PIP4K2A: variants seen among roughly 807,000 people sequenced by gnomAD.
PIP4K2A encodes phosphatidylinositol-5-phosphate 4-kinase type 2 alpha.
In PIP4K2A, 14 loss-of-function variants were observed where a neutral mutation model predicts 42.9. The ratio of observed to expected loss-of-function variants is 0.33; its 90% confidence interval spans 0.22 to 0.51. PIP4K2A has a LOEUF of 0.51. Ranked by LOEUF, PIP4K2A falls within the 20% of genes least tolerant of loss-of-function variation. The pLI, the probability that PIP4K2A is intolerant of heterozygous loss-of-function variation, is 0.97. For synonymous variants in PIP4K2A, 192 were observed against 192.2 expected (o/e 1.00, Z 0.01); for missense variants, 434 against 519.8 (o/e 0.83, Z 1.61).
chr10:22,556,081 T>G (rs1435148997), intron 6 of PIP4K2A, among the ~76,000 whole-genome samples: 1 of 152,234 alleles, frequency 6.6e-6, no homozygotes, highest in African/African-American at 2.4e-5. Flanking sequence ...ACATGTCACA[T>G]GAATTCTCTA....
At chr10:22,674,754 C>A (rs12357289) in intron 1 of PIP4K2A, among the ~76,000 whole-genome samples, 36,976 of 151,436 alleles carry the variant, frequency 0.24, 4,954 homozygotes, top group Non-Finnish European at 0.31. Context: ...CCAGTCCAGG[C>A]AATATTGCAA....
intron 1 of PIP4K2A, among the ~76,000 whole-genome samples, chr10:22,685,861 C>CA (rs1309632054): frequency 6.6e-6 from 1 of 152,204 alleles, no homozygotes; most frequent in Non-Finnish European, 1.5e-5. Flanking sequence ...ACAACACCTC[C>CA]AGTCATTCAC....
At chr10:22,552,211 G>C (rs1300017968) in intron 6 of PIP4K2A, among the ~76,000 whole-genome samples, 2 of 152,150 alleles carry the variant, frequency 1.3e-5, no homozygotes, top group African/African-American at 4.8e-5. Context: ...TGCTGTAAAG[G>C]AGTTTGTAAT....
chr10:22,613,247 T>G (rs1007323068), intron 1 of PIP4K2A, among the ~76,000 whole-genome samples: 1 of 149,740 alleles, frequency 6.7e-6, no homozygotes, highest in Non-Finnish European at 1.5e-5. Context: ...CCAGACTAAG[T>G]TGAGTTAAGG....
intron 1 of PIP4K2A, among the ~76,000 whole-genome samples, chr10:22,690,389 A>G (rs1839841557): frequency 6.6e-6 from 1 of 152,240 alleles, no homozygotes; most frequent in Non-Finnish European, 1.5e-5. Flanking sequence ...GCATCGGGAC[A>G]TATTTAAATC....
chr10:22,627,591 TAAAAAAAAAAAAAAAAAAAAAAAAAA>T (rs57671642), intron 1 of PIP4K2A, among the ~76,000 whole-genome samples: 1 of 56,994 alleles, frequency 1.8e-5, no homozygotes, highest in South Asian at 8.2e-4. Flanking sequence ...TAATATGTAA[TAAAAAAAAAAAAAAAAAAAAAAAAAA>T]AAAAAAAAAA....
intron 1 of PIP4K2A, among the ~76,000 whole-genome samples, chr10:22,662,647 G>T (rs1486046791): frequency 6.6e-6 from 1 of 152,134 alleles, no homozygotes; most frequent in Admixed American, 6.5e-5. Context: ...TAATATAAAA[G>T]AAACTTTTAG....
In PIP4K2A at chr10:22,664,156, T is replaced by C. The variant is rs55691900; in HGVS notation, c.144+50027A>G. Among the ~76,000 whole-genome samples the C allele has an allele frequency of 3.8e-3, 223 of 59,458 alleles. 22 individuals carry two copies. Among genetic ancestry groups the C allele is most frequent in the African/African-American group, 0.033 (180 of 5,532 alleles). 39.0% of individuals were successfully genotyped at this position (59,458 alleles called of 152,430 possible). Reference sequence around the variant, plus strand: ...ATATATATATACATATATATACACATATATATATATACATATATATATATA... The same window carrying C: ...ATATATATATACATATATATACACACATATATATATACATATATATATATA... On this transcript the variant is annotated intron_variant, in intron 1 of 9. Transcript: ENST00000376573.
intron 1 of PIP4K2A, among the ~76,000 whole-genome samples, chr10:22,678,630 T>A (rs1311574744): frequency 6.6e-6 from 1 of 152,266 alleles, no homozygotes; most frequent in East Asian, 1.9e-4. Context: ...GATTCCTATT[T>A]TTTTCCTAGC....
intron 1 of PIP4K2A, among the ~76,000 whole-genome samples, chr10:22,636,776 A>T (rs1838675114): frequency 6.6e-6 from 1 of 152,200 alleles, no homozygotes; most frequent in East Asian, 1.9e-4. Flanking sequence ...TCACATCCTT[A>T]TGCAGCCCCT....
rs1319022291 is a variant in PIP4K2A at position 22,714,303 on chromosome 10, C to A, written c.24G>T (p.Gly8=). 12 of 1,607,950 alleles carry A rather than the reference C, an allele frequency of 7.5e-6. No homozygotes were observed. The highest frequency in any genetic ancestry group is 1.0e-5 in the Non-Finnish European group (12 of 1,176,982). ...TGGTCTTGCTCGCCAGGACAGAGGACCCTAGGTTGCCGGGGGTCGCCATGG... is the reference window on the plus strand; with the variant it reads ...TGGTCTTGCTCGCCAGGACAGAGGAACCTAGGTTGCCGGGGGTCGCCATGG... MATPGNL[G]SSVLASKTKT... The change falls in exon 1 of 10, where the codon GGG becomes GGT. Residue 8 remains glycine, a synonymous_variant. Transcript: ENST00000376573.
chr10:22,697,497 C>G (rs1036286213), intron 1 of PIP4K2A, among the ~76,000 whole-genome samples: 9 of 152,172 alleles, frequency 5.9e-5, no homozygotes, highest in African/African-American at 2.4e-5. Context: ...AGAAAGATCA[C>G]TTGAGCCCAG....
rs146847315 is a variant in PIP4K2A, at chr10:22,588,141, C to T, written c.492+3488G>A. Among the ~76,000 whole-genome samples, 817 of 152,288 alleles carry T rather than the reference C, an allele frequency of 5.4e-3. 10 individuals carry two copies. Among genetic ancestry groups the T allele is most frequent in the African/African-American group, 0.019 (771 of 41,552 alleles). ...TGGCATGTCCACCTTTAATGGTCAA[C>T]GTTTGTGTCACCTATACATTTCCTT... On this transcript the variant is annotated intron_variant, in intron 4 of 9. Transcript: ENST00000376573.
intron 1 of PIP4K2A, among the ~76,000 whole-genome samples, chr10:22,629,061 T>A (rs1631873): frequency 0.23 from 34,474 of 152,108 alleles, 5,344 homozygotes; most frequent in African/African-American, 0.44. Context: ...ATAACTCTCC[T>A]TGCTAAAAAA....
At position 22,664,090 on chromosome 10, in the gene PIP4K2A, C is replaced by CATATATATATATACATATATATATACGT. The variant is rs1588693646; in HGVS notation, c.144+50092_144+50093insACGTATATATATATGTATATATATATAT. On this transcript the variant is annotated intron_variant, in intron 1 of 9. Transcript: ENST00000376573. ...ATATATATATACGTATATATATATACATATATATATATACATATATATATA... is the reference window on the plus strand; with the variant it reads ...ATATATATATACGTATATATATATACATATATATATATACATATATATATACGTATATATATATATACATATATATATA... Among the ~76,000 whole-genome samples, 6 of 64,020 alleles carry CATATATATATATACATATATATATACGT rather than the reference C, an allele frequency of 9.4e-5. No individual in the cohort carries two copies. In the East Asian group the frequency reaches 1.6e-3, roughly 17 times the overall value. The allele number at this position is 64,020 out of a possible 152,430, so 42.0% of individuals were successfully genotyped here. A position where few individuals can be genotyped will look rare whatever the true frequency, so the allele number is the denominator to read the frequency against.
chr10:22,550,547 T>C (rs571793397), intron 7 of PIP4K2A, 112 bp downstream of exon 7: 7 of 728,986 alleles, frequency 9.6e-6, no homozygotes, highest in Admixed American at 9.0e-5. Flanking sequence ...AGGTAGAGTA[T>C]GCAGGTTTTT....
At position 22,576,519 on chromosome 10, in the gene PIP4K2A, A is replaced by C. The variant is rs146137881; in HGVS notation, c.493-3062T>G. Among the ~76,000 whole-genome samples the C allele has an allele frequency of 1.9e-3, 288 of 152,260 alleles. 4 individuals carry two copies. Among genetic ancestry groups the C allele is most frequent in the Admixed American group, 0.015 (225 of 15,300 alleles). On this transcript the variant is annotated intron_variant, in intron 4 of 9. Transcript: ENST00000376573. ...CTACAGCTTTAGCCGGGGTCTCACG[A>C]GCCTCAGCCACCTTACACAGCTAAG...
intron 1 of PIP4K2A, among the ~76,000 whole-genome samples, chr10:22,633,503 G>A (rs1838597710): frequency 6.6e-6 from 1 of 152,070 alleles, no homozygotes; most frequent in African/African-American, 2.4e-5. Flanking sequence ...AGTAAGGAGA[G>A]GGAAAAAATA....
chr10:22,592,076 G>A (rs1837525316), intron 3 of PIP4K2A, among the ~76,000 whole-genome samples: 1 of 152,098 alleles, frequency 6.6e-6, no homozygotes, highest in Non-Finnish European at 1.5e-5. Context: ...TTTCAGAGTT[G>A]GACAAGCTCT....
Sources: allele counts gnomAD v4.1 joint callset (sites outside exome capture counted in the v4.1 genomes callset), GRCh38; gene constraint gnomAD v4.1.1; transcripts MANE v1.5; gene names NCBI Gene and HGNC (gene_info 2026-07-23, HGNC 2026-07-21).